Variants in MPPED2 observed in about 807,000 individuals in gnomAD.
MPPED2 encodes the protein metallophosphoesterase domain containing 2.
A neutral mutation model predicts 33.0 loss-of-function variants in MPPED2; 5 were observed. The ratio of observed to expected loss-of-function variants is 0.15; its 90% CI spans 0.08 to 0.32. The LOEUF (loss-of-function observed/expected upper bound fraction) is 0.32. Ranked by LOEUF, MPPED2 falls within the 10% of genes least tolerant of loss-of-function variation. MPPED2 has a pLI of 1.00. For synonymous variants in MPPED2, 136 were observed against 141.9 expected, an observed-to-expected ratio of 0.96 and a Z score of 0.29; for missense variants, 275 against 372.1, an observed-to-expected ratio of 0.74 and a Z score of 2.15.
intron 5 of MPPED2, among the ~76,000 whole-genome samples, chr11:30,415,653 C>A (rs1000230863): frequency 1.2e-4 from 19 of 152,194 alleles, no homozygotes. Flanking sequence ...ATGTAGCTGT[C>A]ACTCTGCTCT....
intron 3 of MPPED2, among the ~76,000 whole-genome samples, chr11:30,531,683 C>A (rs1395709185): frequency 6.6e-6 from 1 of 152,142 alleles, no homozygotes; most frequent in African/African-American, 2.4e-5. Context: ...CTGTAGAATT[C>A]TTTACGGGTA....
intron 2 of MPPED2, among the ~76,000 whole-genome samples, chr11:30,543,454 T>C (rs998236222): frequency 6.6e-6 from 1 of 152,214 alleles, no homozygotes; most frequent in Admixed American, 6.5e-5. Context: ...CAAAGTTCCA[T>C]GATTAGCCAC....
At chr11:30,417,389 T>G in intron 5 of MPPED2, 129 bp downstream of exon 5, 1 of 574,780 alleles carries the variant, frequency 1.7e-6, no homozygotes, top group Admixed American at 3.1e-5. Flanking sequence ...TTTAAAGACA[T>G]TGACTTTTCT....
chr11:30,564,186 T>C (rs753551641), intron 2 of MPPED2, among the ~76,000 whole-genome samples: 13 of 152,196 alleles, frequency 8.5e-5, no homozygotes, highest in Non-Finnish European at 1.6e-4. Flanking sequence ...TAGTGGCTTC[T>C]TCTAATTGAC....
Position 30,461,756 on chromosome 11 carries a change from T to C in MPPED2, c.536+33540A>G, listed in dbSNP as rs1280480531. 2.6e-5 allele frequency among the ~76,000 whole-genome samples: 4 copies of C among 152,228 alleles called. No individual in the cohort carries two copies. The East Asian group carries it at 7.7e-4, about 29-fold the overall frequency. On this transcript the variant is annotated intron_variant, in intron 4 of 6. Transcript: ENST00000358117. The stretch of plus-strand genomic sequence containing the variant: ...CTAAATCTTATTTATGAAGAGTAAA[T>C]GTTCCTCCGGCCCTCAGATATTTAA...
intron 4 of MPPED2, among the ~76,000 whole-genome samples, chr11:30,468,381 A>T (rs1950810309): frequency 6.6e-6 from 1 of 152,148 alleles, no homozygotes. Context: ...ATAGCCTACC[A>T]CTGTATGCAT....
At chr11:30,452,525 C>G (rs2133955990) in intron 4 of MPPED2, among the ~76,000 whole-genome samples, 1 of 152,356 alleles carries the variant, frequency 6.6e-6, no homozygotes, top group South Asian at 2.1e-4. Flanking sequence ...ATCAAAATCA[C>G]TGCAGTGTTT....
At chr11:30,441,625 C>T (rs918871367) in intron 4 of MPPED2, among the ~76,000 whole-genome samples, 3 of 152,192 alleles carry the variant, frequency 2.0e-5, no homozygotes, top group Admixed American at 1.3e-4. Flanking sequence ...GTGGTTTAGG[C>T]TCATATTTCT....
intron 2 of MPPED2, among the ~76,000 whole-genome samples, chr11:30,538,979 CA>C (rs1006906123): frequency 2.1e-4 from 32 of 152,224 alleles, no homozygotes; most frequent in African/African-American, 7.5e-4. Flanking sequence ...GATGGTACAA[CA>C]AATATCACCT....
chr11:30,471,962 AC>A (rs1264441683), intron 4 of MPPED2, among the ~76,000 whole-genome samples: 1 of 152,096 alleles, frequency 6.6e-6, no homozygotes, highest in African/African-American at 2.4e-5. Context: ...CAAAAAAAAA[AC>A]ATTTTTCAGG....
rs1948066284 is a variant in MPPED2, at chr11:30,410,537, T to C, written c.*931A>G. The C allele has an allele frequency of 1.0e-6, 1 of 985,732 alleles. No homozygotes were observed. The highest frequency in any genetic ancestry group is 1.2e-6 in the Non-Finnish European group (1 of 829,918). 61.1% of individuals were successfully genotyped at this position (985,732 alleles called of 1,614,324 possible). ...CTTCCATTGCATCCATTTAAGTCTA[T>C]ACATGCCTGTAACTGTACCTAGATT... On this transcript the variant is annotated 3_prime_UTR_variant, in exon 7 of 7. Coordinates refer to ENST00000358117, the MANE Select transcript of MPPED2 (RefSeq NM_001584.3).
chr11:30,439,132 C>T (rs551347285), intron 4 of MPPED2, among the ~76,000 whole-genome samples: 17 of 152,314 alleles, frequency 1.1e-4, no homozygotes, highest in African/African-American at 3.8e-4. Context: ...TACGAAGTTT[C>T]CTGGGTTCTG....
chr11:30,489,972 G>A (rs548638841), intron 4 of MPPED2, among the ~76,000 whole-genome samples: 3 of 151,768 alleles, frequency 2.0e-5, no homozygotes, highest in Admixed American at 6.6e-5. Flanking sequence ...CTAGTCCCAC[G>A]AGTAAGTTTA....
chr11:30,570,676 T>TC, intron 2 of MPPED2, among the ~76,000 whole-genome samples: 1 of 152,116 alleles, frequency 6.6e-6, no homozygotes, highest in South Asian at 2.1e-4. Context: ...TTCAGTAAAT[T>TC]AGGGAAACAG....
chr11:30,391,083 T>G (rs1410033625), intron 6 of MPPED2, among the ~76,000 whole-genome samples: 1 of 152,128 alleles, frequency 6.6e-6, no homozygotes, highest in Non-Finnish European at 1.5e-5. Context: ...TTAAACAACG[T>G]ACCACAACCA....
intron 6 of MPPED2, among the ~76,000 whole-genome samples, chr11:30,402,683 A>C (rs1477020183): frequency 6.6e-6 from 1 of 152,128 alleles, no homozygotes; most frequent in African/African-American, 2.4e-5. Flanking sequence ...TCCCACCCCC[A>C]TCTTAGCTTT....
intron 2 of MPPED2, among the ~76,000 whole-genome samples, chr11:30,539,153 A>T (rs991232945): frequency 6.6e-6 from 1 of 152,168 alleles, no homozygotes; most frequent in African/African-American, 2.4e-5. Flanking sequence ...AAAAGTCAAG[A>T]CAGCCAAACA....
intron 4 of MPPED2, among the ~76,000 whole-genome samples, chr11:30,493,121 A>G (rs535814028): frequency 6.6e-6 from 1 of 152,174 alleles, no homozygotes; most frequent in Non-Finnish European, 1.5e-5. Context: ...AAAAAAAATT[A>G]TAGAAAATAT....
At chr11:30,526,018 C>T (rs1293789249) in intron 3 of MPPED2, among the ~76,000 whole-genome samples, 1 of 152,102 alleles carries the variant, frequency 6.6e-6, no homozygotes, top group Non-Finnish European at 1.5e-5. Context: ...CCCCCAAGTA[C>T]TTTACTTAAT....
Sources: gnomAD v4.1 joint callset for allele counts (sites outside exome capture counted in the v4.1 genomes callset) on GRCh38, gnomAD v4.1.1 for gene constraint, MANE v1.5 for transcripts, NCBI Gene and HGNC (gene_info 2026-07-23, HGNC 2026-07-21) for gene names.